The following FAF1 variants were observed in gnomAD, a reference collection of about 807,000 sequenced individuals.
The protein encoded by FAF1 is Fas associated factor 1, also known as FAS-associated factor 1.
A neutral mutation model predicts 92.5 loss-of-function variants in FAF1; 25 were observed. The ratio of observed to expected loss-of-function variants is 0.27; its 90% CI spans 0.20 to 0.38. The LOEUF is 0.38. FAF1 is among the 10% of genes least tolerant of loss of function. The probability of loss-of-function intolerance (pLI) is 1.00; values close to 1 mark genes in which losing one functional copy is unlikely to be tolerated. For synonymous variants in FAF1, 234 were observed against 273.2 expected (o/e 0.86, Z 1.42); for missense variants, 636 against 793.3 (o/e 0.80, Z 2.38).
intron 1 of FAF1, among the ~76,000 whole-genome samples, chr1:50,942,460 AGGGAAAGGGAG>A (rs1054376489): frequency 7.9e-5 from 12 of 151,344 alleles, no homozygotes; most frequent in African/African-American, 2.9e-4. Flanking sequence ...AGGGGAGGGG[AGGGAAAGGGAG>A]GGGAAAGGGA....
chr1:50,948,160 G>A (rs1645185519), intron 1 of FAF1, among the ~76,000 whole-genome samples: 1 of 152,172 alleles, frequency 6.6e-6, no homozygotes, highest in Non-Finnish European at 1.5e-5. Flanking sequence ...AAGAGAAATA[G>A]AAACTTTCCA....
intron 5 of FAF1, among the ~76,000 whole-genome samples, chr1:50,741,499 T>C (rs1260488780): frequency 6.6e-6 from 1 of 152,244 alleles, no homozygotes; most frequent in African/African-American, 2.4e-5. Context: ...ATTCAATTTA[T>C]GTTTTTAAAA....
chr1:50,831,155 A>T (rs1644149066), intron 2 of FAF1, among the ~76,000 whole-genome samples: 1 of 152,148 alleles, frequency 6.6e-6, no homozygotes, highest in Non-Finnish European at 1.5e-5. Flanking sequence ...TAAAGTTCCT[A>T]ATTAACAAAT....
chr1:50,831,183 A>C (rs1407516188), intron 2 of FAF1, among the ~76,000 whole-genome samples: 1 of 152,196 alleles, frequency 6.6e-6, no homozygotes, highest in African/African-American at 2.4e-5. Context: ...TGAGAATTTA[A>C]ATCACTATTT....
chr1:50,474,132 T>C (rs1420233002), intron 18 of FAF1, among the ~76,000 whole-genome samples: 1 of 152,256 alleles, frequency 6.6e-6, no homozygotes, highest in African/African-American at 2.4e-5. Flanking sequence ...TGTTACACTA[T>C]GCCAAATTTG....
intron 13 of FAF1, among the ~76,000 whole-genome samples, chr1:50,558,138 AT>A (rs1490346685): frequency 2.0e-5 from 3 of 152,038 alleles, no homozygotes; most frequent in Admixed American, 6.6e-5. Context: ...GCCTTAAGTG[AT>A]CCACCTGCCT....
At chr1:50,899,159 T>C (rs1418888096) in intron 1 of FAF1, among the ~76,000 whole-genome samples, 1 of 152,210 alleles carries the variant, frequency 6.6e-6, no homozygotes, top group Non-Finnish European at 1.5e-5. Flanking sequence ...CTGCTGTTAA[T>C]CTCACTCATT....
chr1:50,586,483 G>A (rs1248477465), intron 9 of FAF1, among the ~76,000 whole-genome samples: 2 of 152,126 alleles, frequency 1.3e-5, no homozygotes, highest in Non-Finnish European at 2.9e-5. Flanking sequence ...TTAATGCAGA[G>A]AATCATAATC....
chr1:50,605,334 G>A (rs771136864), intron 8 of FAF1, among the ~76,000 whole-genome samples: 7 of 151,970 alleles, frequency 4.6e-5, no homozygotes, highest in South Asian at 4.2e-4. Context: ...AGTATTTTAC[G>A]TCATTAAAAT....
chr1:50,899,415 G>A (rs1267670849), intron 1 of FAF1, among the ~76,000 whole-genome samples: 1 of 151,954 alleles, frequency 6.6e-6, no homozygotes, highest in East Asian at 1.9e-4. Flanking sequence ...TTTTGATTGG[G>A]TCCAAATACT....
intron 5 of FAF1, among the ~76,000 whole-genome samples, chr1:50,741,143 A>T (rs1248307528): frequency 2.0e-5 from 3 of 152,220 alleles, no homozygotes; most frequent in African/African-American, 7.2e-5. Context: ...TGTGATGGAG[A>T]ATGCTGGGAT....
chr1:50,743,366 C>T (rs1028417895), intron 5 of FAF1, among the ~76,000 whole-genome samples: 4 of 152,050 alleles, frequency 2.6e-5, no homozygotes, highest in Non-Finnish European at 4.4e-5. Flanking sequence ...CTCACTCTGT[C>T]GCCCAGGCTA....
intron 18 of FAF1, among the ~76,000 whole-genome samples, chr1:50,464,214 C>T (rs1646467076): frequency 1.3e-5 from 2 of 151,866 alleles, no homozygotes; most frequent in South Asian, 2.1e-4. Flanking sequence ...TCTATGTTGC[C>T]CAGGCTGGTC....
At chr1:50,668,104 C>G (rs972424762) in intron 7 of FAF1, among the ~76,000 whole-genome samples, 9 of 152,114 alleles carry the variant, frequency 5.9e-5, no homozygotes, top group African/African-American at 1.9e-4. Flanking sequence ...AAAACAAAGA[C>G]AACAAAGGGA....
At position 50,663,915 on chromosome 1, in the gene FAF1, G is replaced by A. The variant is rs962136978; in HGVS notation, c.658-8387C>T. ...GATTTTATTAGCCTAAGAAATTAAT[G>A]AGAGAAGATACTACCTCTTTACTAC... is the stretch of plus-strand genomic sequence containing the variant. On this transcript the variant is annotated intron_variant, in intron 7 of 18. Coordinates refer to ENST00000396153, the MANE Select transcript of FAF1 (RefSeq NM_007051.3). Among the ~76,000 whole-genome samples, 4 of 151,316 alleles carry A rather than the reference G, an allele frequency of 2.6e-5. 1 individual carries two copies. Among genetic ancestry groups the A allele is most frequent in the African/African-American group, 7.4e-5 (3 of 40,806 alleles).
intron 15 of FAF1, among the ~76,000 whole-genome samples, chr1:50,503,077 A>G (rs901056275): frequency 3.3e-5 from 5 of 152,130 alleles, no homozygotes; most frequent in African/African-American, 9.7e-5. Context: ...GGCCTCAAGC[A>G]GTCCTCCTGC....
At chr1:50,797,391 C>T (rs1014317451) in intron 3 of FAF1, among the ~76,000 whole-genome samples, 1 of 151,954 alleles carries the variant, frequency 6.6e-6, no homozygotes, top group Non-Finnish European at 1.5e-5. Flanking sequence ...TCTATAAATA[C>T]CTTTTTTAAA....
intron 17 of FAF1, among the ~76,000 whole-genome samples, chr1:50,485,051 A>G (rs1409798988): frequency 1.3e-5 from 2 of 151,840 alleles, no homozygotes; most frequent in African/African-American, 2.4e-5. Flanking sequence ...ACATGTATAC[A>G]TGTGTAACAA....
chr1:50,790,651 T>C (rs1661530838), intron 3 of FAF1, among the ~76,000 whole-genome samples: 1 of 151,992 alleles, frequency 6.6e-6, no homozygotes, highest in African/African-American at 2.4e-5. Flanking sequence ...CATAGGAGTG[T>C]TTCAGTTGTA....
Sources: gnomAD v4.1 joint callset for allele counts (sites outside exome capture counted in the v4.1 genomes callset) on GRCh38, gnomAD v4.1.1 for gene constraint, MANE v1.5 for transcripts, NCBI Gene and HGNC (gene_info 2026-07-23, HGNC 2026-07-21) for gene names.